Variants in FDFT1 observed in about 807,000 individuals in gnomAD.
FDFT1 encodes the protein squalene synthase.
Under a neutral mutation model 46.8 loss-of-function variants are expected in FDFT1, and 68 were observed. The ratio of observed to expected loss-of-function variants is 1.45; its 90% CI spans 1.19 to 1.78. FDFT1 has a LOEUF of 1.78. FDFT1 is among the 40% of genes most tolerant of loss of function. FDFT1 has a pLI of 0.00. For missense variants in FDFT1, 928 were observed against 524.4 expected (o/e 1.77, Z -7.52); for synonymous variants, 351 against 185.1 (o/e 1.90, Z -7.28).
chr8:11,801,011 A>T (rs1381421617), upstream of FDFT1, among the ~76,000 whole-genome samples: 1 of 152,158 alleles, frequency 6.6e-6, no homozygotes, highest in Non-Finnish European at 1.5e-5. Flanking sequence ...TATGGTAAAT[A>T]TAGGCAAGTA....
intron 3 of FDFT1, among the ~76,000 whole-genome samples, chr8:11,819,687 A>G (rs1180686443): frequency 6.6e-6 from 1 of 151,954 alleles, no homozygotes; most frequent in Non-Finnish European, 1.5e-5. Context: ...TTTGGTTTTC[A>G]GCTCCATCAG....
chr8:11,809,527 T>G (rs1405984589), intron 2 of FDFT1, 140 bp from the exon 3 acceptor site: 1 of 1,303,858 alleles, frequency 7.7e-7, no homozygotes, highest in East Asian at 2.7e-5. Flanking sequence ...TCGTTAAGTA[T>G]GAAAAGCGTT....
chr8:11,827,778 C>T (rs1026558457), intron 5 of FDFT1, among the ~76,000 whole-genome samples: 1 of 151,986 alleles, frequency 6.6e-6, no homozygotes, highest in African/African-American at 2.4e-5. Context: ...CAAGGTGGCT[C>T]ACGCCTGTAA....
chr8:11,831,625 C>CA lies in FDFT1; in HGVS notation c.989dup (p.Asn330LysfsTer19). On this transcript the variant is annotated frameshift_variant, in exon 7 of 8. Coordinates refer to ENST00000220584, the MANE Select transcript of FDFT1 (RefSeq NM_004462.5). LOFTEE classifies it high-confidence loss of function. ...CAGTGACCCTGATGATGGATGCCAC[C>CA]AATATGCCAGCTGTCAAAGCCATCA... 1 of 1,613,892 alleles carries CA rather than the reference C, an allele frequency of 6.2e-7. No homozygotes were observed. Among genetic ancestry groups the CA allele is most frequent in the Non-Finnish European group, 8.5e-7 (1 of 1,179,764 alleles).
Position 11,838,757 on chromosome 8 carries a change from G to T in FDFT1, c.*148G>T. Reference sequence around the variant, plus strand: ...GCTGGGACCTTTAGGAAAGTGAAATGCAGGTGAGAAGAACCTAAACATGAA... The same window carrying T: ...GCTGGGACCTTTAGGAAAGTGAAATTCAGGTGAGAAGAACCTAAACATGAA... On this transcript the variant is annotated 3_prime_UTR_variant, in exon 8 of 8. Transcript: ENST00000220584. 1.5e-6 allele frequency: 1 copy of T among 684,438 alleles called. No individual in the cohort carries two copies. Among genetic ancestry groups the T allele is most frequent in the African/African-American group, 1.8e-5 (1 of 55,858 alleles). The allele number at this position is 684,438 out of a possible 1,614,324, so 42.4% of individuals were successfully genotyped here.
intron 3 of FDFT1, among the ~76,000 whole-genome samples, chr8:11,815,317 C>T (rs1436718290): frequency 6.6e-6 from 1 of 152,092 alleles, no homozygotes; most frequent in Non-Finnish European, 1.5e-5. Context: ...GTGAATAGTG[C>T]CACAGTAAAC....
At chr8:11,804,709 C>T (rs966796175) in intron 1 of FDFT1, among the ~76,000 whole-genome samples, 1 of 143,064 alleles carries the variant, frequency 7.0e-6, no homozygotes, top group African/African-American at 2.6e-5. Context: ...TGGGTTCAAG[C>T]AATTCTCCTG....
intron 4 of FDFT1, among the ~76,000 whole-genome samples, chr8:11,825,656 T>C (rs1440675248): frequency 2.7e-5 from 4 of 145,880 alleles, no homozygotes. Context: ...AGTTTGAGTC[T>C]AACGTGGGCA....
Position 11,826,213 on chromosome 8 carries a change from G to A in FDFT1, c.700G>A (p.Glu234Lys). 1 of 1,531,544 alleles carries A rather than the reference G, an allele frequency of 6.5e-7. No individual in the cohort carries two copies. The highest frequency in any genetic ancestry group is 1.2e-5 in the South Asian group (1 of 81,982). 94.9% of individuals were successfully genotyped at this position (1,531,544 alleles called of 1,614,324 possible). Residue 234 changes from glutamate (E) to lysine (K), a missense_variant and splice_region_variant, in exon 5 of 8, where the codon GAG (glutamate) becomes AAG (lysine). Coordinates refer to ENST00000220584, the MANE Select transcript of FDFT1 (RefSeq NM_004462.5). ...QQGGREFWPQ[E>K]VWSRYVKKLG... is the part of the protein sequence containing the mutation. Reference sequence around the variant, plus strand: ...AGGAGGAAGAGAGTTCTGGCCTCAAGAGGTAACAGATTCAGGGTATTTTGG... The same window carrying A: ...AGGAGGAAGAGAGTTCTGGCCTCAAAAGGTAACAGATTCAGGGTATTTTGG...
At chr8:11,802,122 G>A (rs1289467929), upstream of FDFT1, 6 of 454,348 alleles carry the variant, frequency 1.3e-5, no homozygotes, top group East Asian at 6.9e-5. Flanking sequence ...TAGAGAGGGG[G>A]CAGCTGAAGC....
intron 4 of FDFT1, among the ~76,000 whole-genome samples, chr8:11,823,148 G>A (rs1406336598): frequency 1.3e-5 from 2 of 151,944 alleles, no homozygotes; most frequent in Non-Finnish European, 2.9e-5. Flanking sequence ...TAGAGAGAGG[G>A]TTTTGCCATG....
At chr8:11,833,552 A>G (rs2130891294) in intron 7 of FDFT1, among the ~76,000 whole-genome samples, 1 of 152,224 alleles carries the variant, frequency 6.6e-6, no homozygotes, top group African/African-American at 2.4e-5. Context: ...TAAAATTCAG[A>G]TTTATTTGGT....
chr8:11,802,452 C>G (rs1410374341), upstream of FDFT1: 5 of 463,632 alleles, frequency 1.1e-5, no homozygotes, highest in Non-Finnish European at 2.2e-5. Context: ...CGCTCCCAGC[C>G]GGGGTAAGCG....
intron 1 of FDFT1, chr8:11,808,301 G>C: frequency 8.2e-7 from 1 of 1,226,376 alleles, no homozygotes; most frequent in Non-Finnish European, 1.0e-6. Context: ...GGTTCCCTTA[G>C]CGGCCAGTGG....
intron 3 of FDFT1, among the ~76,000 whole-genome samples, chr8:11,812,415 C>A (rs186801178): frequency 2.0e-5 from 3 of 152,170 alleles, no homozygotes; most frequent in Non-Finnish European, 2.9e-5. Context: ...CTGGGATATC[C>A]TCTCAAATGA....
chr8:11,809,266 C>T (rs1233099505), intron 2 of FDFT1: 1 of 1,115,880 alleles, frequency 9.0e-7, no homozygotes, highest in Non-Finnish European at 1.1e-6. Flanking sequence ...GCACATTACA[C>T]CCATGAACTT....
In FDFT1 at chr8:11,839,152, A is replaced by C. The variant is rs928116658; in HGVS notation, c.*543A>C. The C allele has an allele frequency of 1.3e-5, 2 of 154,678 alleles. No homozygotes were observed. Among genetic ancestry groups the C allele is most frequent in the African/African-American group, 4.8e-5 (2 of 41,436 alleles). 9.6% of individuals were successfully genotyped at this position (154,678 alleles called of 1,614,324 possible). ...TTTTCCACACAAAGGCTGGGAATAA[A>C]ATTCTGGGTATTCTCGTATTCTCAT... On this transcript the variant is annotated 3_prime_UTR_variant, in exon 8 of 8. Coordinates refer to ENST00000220584, the MANE Select transcript of FDFT1 (RefSeq NM_004462.5).
intron 3 of FDFT1, among the ~76,000 whole-genome samples, chr8:11,810,933 TAAAAAAAAAAAAA>T (rs71539744): frequency 2.2e-5 from 2 of 89,422 alleles, no homozygotes; most frequent in African/African-American, 4.4e-5. Flanking sequence ...GAGCAATATT[TAAAAAAAAAAAAA>T]AAAAAAAAAA....
intron 3 of FDFT1, among the ~76,000 whole-genome samples, chr8:11,814,095 C>T (rs187038458): frequency 1.3e-5 from 2 of 152,190 alleles, no homozygotes; most frequent in Non-Finnish European, 2.9e-5. Context: ...TTGACCTTTC[C>T]TCTCTAATAA....
Sources: gnomAD v4.1 joint callset for allele counts (sites outside exome capture counted in the v4.1 genomes callset) on GRCh38, gnomAD v4.1.1 for gene constraint, MANE v1.5 for transcripts, NCBI Gene and HGNC (gene_info 2026-07-23, HGNC 2026-07-21) for gene names.